Variants in CHD3 observed in about 807,000 individuals in gnomAD.
CHD3 encodes the protein ATP-dependent chromatin remodeler CHD3.
CHD3 carries 52 observed loss-of-function variants against 248.9 expected under a neutral mutation model. That is an observed-to-expected ratio of 0.21 (90% CI 0.17 to 0.26). The LOEUF (loss-of-function observed/expected upper bound fraction) is 0.26. CHD3 is among the 10% of genes least tolerant of loss of function. The probability of loss-of-function intolerance (pLI) is 1.00; values close to 1 mark genes in which losing one functional copy is unlikely to be tolerated. For missense variants in CHD3, 1,482 were observed against 2,605.8 expected, an observed-to-expected ratio of 0.57 and a Z score of 9.39; for synonymous variants, 985 against 985.2, an observed-to-expected ratio of 1.00 and a Z score of 0.00.
intron 13 of CHD3, 112 bp downstream of exon 13, chr17:7,898,707 T>G: frequency 1.2e-6 from 1 of 843,502 alleles, no homozygotes. Context: ...GAACAGTAGC[T>G]CTTCCTTCAG....
At chr17:7,885,659 C>T (rs1047400504), upstream of CHD3, among the ~76,000 whole-genome samples, 3 of 152,044 alleles carry the variant, frequency 2.0e-5, no homozygotes, top group Admixed American at 6.5e-5. Context: ...AGCCGACGGG[C>T]CTGCCCCCTC....
intron 21 of CHD3, 38 bp downstream of exon 21, chr17:7,902,765 G>A: frequency 6.3e-7 from 1 of 1,599,308 alleles, no homozygotes; most frequent in Non-Finnish European, 8.6e-7. Flanking sequence ...GGTGTGGGAG[G>A]CCTGAGAAAC....
At position 7,903,169 on chromosome 17, in the gene CHD3, A is replaced by G; in HGVS notation, c.3496-103A>G. On this transcript the variant is annotated intron_variant, in intron 22 of 39. Transcript: ENST00000330494. The surrounding 1 kb of genome is among the most constrained non-coding windows in gnomAD (Gnocchi z 6.8). ...AGAAATAAATCTCTTCTGGGAGGAG[A>G]GAAGGCCCTTCTTCAGCAGCCTTCT... 1 of 1,570,100 alleles carries G rather than the reference A, an allele frequency of 6.4e-7. No individual in the cohort carries two copies.
chr17:7,892,971 A>G (rs1969101851), intron 4 of CHD3, among the ~76,000 whole-genome samples: 1 of 151,852 alleles, frequency 6.6e-6, no homozygotes, highest in Admixed American at 6.6e-5. Context: ...TTGTAGAGAC[A>G]GGATCTCACT....
At position 7,897,695 on chromosome 17, in the gene CHD3, C is replaced by CT. The variant is rs1276566578; in HGVS notation, c.1920-275dup. On this transcript the variant is annotated intron_variant, in intron 11 of 39. Transcript: ENST00000330494. This position sits in a 1 kb window ranked among gnomAD's most constrained non-coding sequence, Gnocchi z 4.8. The stretch of plus-strand genomic sequence containing the variant: ...TCAATGCTGCCTTCCCCACGAGACT[C>CT]TGAGTTCCATGAGGAAAATACTTAG... 2.6e-5 allele frequency among the ~76,000 whole-genome samples: 4 copies of CT among 152,334 alleles called. No individual in the cohort carries two copies. The highest frequency in any genetic ancestry group is 9.6e-5 in the African/African-American group (4 of 41,572).
Position 7,895,625 on chromosome 17 carries a change from T to A in CHD3, c.1707+83T>A. ...CTCTCTTACTCCTCTGTTTGTTGGG[T>A]TCCCATACTCTTTGTTTTCTCTCAT... On this transcript the variant is annotated intron_variant, in intron 10 of 39. Transcript: ENST00000330494. This position sits in a 1 kb window ranked among gnomAD's most constrained non-coding sequence, Gnocchi z 4.9. 8.1e-7 allele frequency: 1 copy of A among 1,239,560 alleles called. No individual in the cohort carries two copies. Among genetic ancestry groups the A allele is most frequent in the South Asian group, 1.3e-5 (1 of 74,668 alleles). 76.8% of individuals were successfully genotyped at this position (1,239,560 alleles called of 1,614,324 possible).
In CHD3 at chr17:7,897,220, T is replaced by G; in HGVS notation, c.1845T>G (p.Ala615=). The G allele has an allele frequency of 6.2e-7, 1 of 1,614,034 alleles. No individual in the cohort carries two copies. Among genetic ancestry groups the G allele is most frequent in the Non-Finnish European group, 8.5e-7 (1 of 1,179,974 alleles). The change falls in exon 11 of 40, where the codon GCT becomes GCG. Residue 615 remains alanine (A), a synonymous_variant. Coordinates refer to ENST00000330494, the MANE Select transcript of CHD3 (RefSeq NM_001005273.3). The surrounding 1 kb of genome is among the most constrained non-coding windows in gnomAD (Gnocchi z 4.8). Reference sequence around the variant, plus strand: ...GTAAAGTGAAAGACCCGCACTATGCTGAGATGGAGGAGAAGTACTATCGTT... The same window carrying G: ...GTAAAGTGAAAGACCCGCACTATGCGGAGATGGAGGAGAAGTACTATCGTT... The part of the protein sequence containing the change: ...DKRKVKDPHY[A]EMEEKYYRFG...
chr17:7,891,315 T>C (rs1197356884), intron 4 of CHD3, among the ~76,000 whole-genome samples: 4 of 152,156 alleles, frequency 2.6e-5, no homozygotes, highest in Admixed American at 6.5e-5. Context: ...TAGAGAACTC[T>C]TTAGCAACAG....
intron 2 of CHD3, 74 bp from the exon 3 acceptor site, chr17:7,890,497 A>G (rs1968684501): frequency 2.9e-6 from 3 of 1,036,976 alleles, no homozygotes; most frequent in Non-Finnish European, 4.1e-6. Flanking sequence ...AAGAGGTAAG[A>G]TATGGTATGT....
intron 13 of CHD3, 73 bp from the exon 14 acceptor site, chr17:7,898,938 C>A: frequency 7.5e-7 from 1 of 1,332,778 alleles, no homozygotes; most frequent in Non-Finnish European, 1.1e-6. Context: ...GTATCCATGC[C>A]AGGGAGGAAG....
rs532712350 is a variant in CHD3, at chr17:7,910,177, C to T, written c.5591-251C>T. The T allele has an allele frequency of 1.6e-3, 768 of 477,536 alleles. 12 individuals are homozygous for T. In the South Asian group the frequency reaches 0.017, roughly 11 times the overall value. 29.6% of individuals were successfully genotyped at this position (477,536 alleles called of 1,614,324 possible). A position where few individuals can be genotyped will look rare whatever the true frequency, so the allele number is the denominator to read the frequency against. On this transcript the variant is annotated intron_variant, in intron 37 of 39. Transcript: ENST00000330494. This position sits in a 1 kb window ranked among gnomAD's most constrained non-coding sequence, Gnocchi z 4.7. ...TGCTCCCTTTTTCTTTCTTCTTTCTCTCCATCTGTCTTCTGTGGTAATCTG... is the reference window on the plus strand; with the variant it reads ...TGCTCCCTTTTTCTTTCTTCTTTCTTTCCATCTGTCTTCTGTGGTAATCTG...
intron 6 of CHD3, 25 bp downstream of exon 6, chr17:7,893,960 A>C: frequency 7.2e-7 from 1 of 1,392,004 alleles, no homozygotes. Context: ...CCTGTCTACT[A>C]AACACCTGGG....
chr17:7,901,390 T>C lies in CHD3; in HGVS notation c.3252+15T>C. The stretch of plus-strand genomic sequence containing the variant: ...TCTTCTCGCAGGTGACCTGTGCCCT[T>C]AGCTGTCTTTACATCTGCTTCCTCT... On this transcript the variant is annotated intron_variant, in intron 20 of 39. Coordinates refer to ENST00000330494, the MANE Select transcript of CHD3 (RefSeq NM_001005273.3). The C allele has an allele frequency of 6.3e-7, 1 of 1,578,340 alleles. No individual in the cohort carries two copies. Among genetic ancestry groups the C allele is most frequent in the Non-Finnish European group, 8.6e-7 (1 of 1,158,594 alleles).
Position 7,895,459 on chromosome 17 carries a change from C to G in CHD3, c.1624C>G (p.Leu542Val). 6.2e-7 allele frequency: 1 copy of G among 1,614,184 alleles called. No homozygotes were observed. Among genetic ancestry groups the G allele is most frequent in the Non-Finnish European group, 8.5e-7 (1 of 1,180,040 alleles). The change falls in exon 10 of 40, where the codon CTT (leucine) becomes GTT (valine). Residue 542 changes from leucine to valine, a missense_variant. Transcript: ENST00000330494. This position sits in a 1 kb window ranked among gnomAD's most constrained non-coding sequence, Gnocchi z 4.9. ...GNPDVPPPRP[L>V]QGRSEREFFV... ...TCCAGATGTCCCACCCCCCCGTCCT[C>G]TTCAAGGCAGATCAGAGCGAGAGTT...
In CHD3 at chr17:7,907,178, G is replaced by A; in HGVS notation, c.4719G>A (p.Lys1573=). Residue 1573 remains lysine, a synonymous_variant, in exon 31 of 40, where the codon AAG becomes AAA. Transcript: ENST00000330494. This position sits in a 1 kb window ranked among gnomAD's most constrained non-coding sequence, Gnocchi z 4.3. The part of the protein sequence containing the change: ...KGEGIRTPLE[K]EEAENQEEKP... ...AAGGCATAAGGACACCTCTTGAGAA[G>A]GAGGAAGCTGAAAACCAGGAGGAAA... 6.2e-7 allele frequency: 1 copy of A among 1,614,232 alleles called. No individual in the cohort carries two copies. Among genetic ancestry groups the A allele is most frequent in the Non-Finnish European group, 8.5e-7 (1 of 1,180,016 alleles).
At position 7,903,566 on chromosome 17, in the gene CHD3, C is replaced by T. The variant is rs182931416; in HGVS notation, c.3727+63C>T. ...CTGCTCTCTCAGGAGTACTTATCAG[C>T]CCCCTGGGGAGAGAAAAACAACTCT... On this transcript the variant is annotated intron_variant, in intron 23 of 39. Transcript: ENST00000330494. This position sits in a 1 kb window ranked among gnomAD's most constrained non-coding sequence, Gnocchi z 6.8. 2.9e-5 allele frequency: 40 copies of T among 1,370,550 alleles called. No homozygotes were observed. Among genetic ancestry groups the T allele is most frequent in the East Asian group, 5.0e-5 (2 of 40,290 alleles). 84.9% of individuals were successfully genotyped at this position (1,370,550 alleles called of 1,614,324 possible). A position where few individuals can be genotyped will look rare whatever the true frequency, so the allele number is the denominator to read the frequency against.
chr17:7,905,781 T>C lies in CHD3; in HGVS notation c.4224+75T>C. On this transcript the variant is annotated intron_variant, in intron 27 of 39. Transcript: ENST00000330494. This position sits in a 1 kb window ranked among gnomAD's most constrained non-coding sequence, Gnocchi z 5.8. Reference sequence around the variant, plus strand: ...AGGAGGTTGGAAGTTGGTGCCTGGATCACTGAAGGTAGAAAGGACAAGACC... The same window carrying C: ...AGGAGGTTGGAAGTTGGTGCCTGGACCACTGAAGGTAGAAAGGACAAGACC... The C allele has an allele frequency of 4.3e-6, 7 of 1,613,644 alleles. No homozygotes were observed. Among genetic ancestry groups the C allele is most frequent in the Non-Finnish European group, 5.9e-6 (7 of 1,179,644 alleles).
rs552535984 is a variant in CHD3, at chr17:7,892,706, A to G, written c.510-580A>G. ...GAGACGGGGTTTCGCCATGTTGGCC[A>G]GGATGGTCTCCATCTCTTGACCTCG... On this transcript the variant is annotated intron_variant, in intron 4 of 39. Transcript: ENST00000330494. Among the ~76,000 whole-genome samples, 7 of 152,288 alleles carry G rather than the reference A, an allele frequency of 4.6e-5. No individual in the cohort carries two copies. The South Asian group carries it at 1.5e-3, about 32-fold the overall frequency.
At chr17:7,890,791 A>G (rs1259999482) in intron 3 of CHD3, 50 bp downstream of exon 3, 17 of 1,582,694 alleles carry the variant, frequency 1.1e-5, no homozygotes, top group Non-Finnish European at 1.5e-5. Flanking sequence ...AAAGACGGGC[A>G]TGAGGAGGGG....
Sources: allele counts gnomAD v4.1 joint callset (sites outside exome capture counted in the v4.1 genomes callset), GRCh38; gene constraint gnomAD v4.1.1; non-coding constraint Gnocchi (gnomAD v3.1); transcripts MANE v1.5; gene names NCBI Gene and HGNC (gene_info 2026-07-23, HGNC 2026-07-21).